The following NLRP13 variants were observed in gnomAD, a reference collection of about 807,000 sequenced individuals.
NLRP13 encodes the protein NACHT, LRR and PYD domains-containing protein 13.
A neutral mutation model predicts 94.4 loss-of-function variants in NLRP13; 82 were observed. The ratio of observed to expected loss-of-function variants is 0.87; its 90% CI spans 0.73 to 1.04. The LOEUF (loss-of-function observed/expected upper bound fraction) is 1.04. Ranked by LOEUF, NLRP13 falls within the 50% of genes least tolerant of loss-of-function variation. NLRP13 has a pLI of 0.00. For missense variants in NLRP13, 1,426 were observed against 1,230.8 expected, an observed-to-expected ratio of 1.16 and a Z score of -2.37; for synonymous variants, 553 against 464.7, an observed-to-expected ratio of 1.19 and a Z score of -2.45.
intron 8 of NLRP13, among the ~76,000 whole-genome samples, chr19:55,902,521 G>T (rs1014079093): frequency 6.6e-6 from 1 of 152,122 alleles, no homozygotes; most frequent in Non-Finnish European, 1.5e-5. Context: ...GTCCAAATGG[G>T]CTTGTCTGTC....
At chr19:55,930,896 AT>A (rs1234394610) in intron 1 of NLRP13, among the ~76,000 whole-genome samples, 79 of 111,372 alleles carry the variant, frequency 7.1e-4, no homozygotes, top group Non-Finnish European at 1.2e-3. Flanking sequence ...ATATATATAT[AT>A]AAAATTTTAA....
chr19:55,926,416 G>A (rs142578865), intron 1 of NLRP13, among the ~76,000 whole-genome samples: 1 of 152,298 alleles, frequency 6.6e-6, no homozygotes, highest in East Asian at 1.9e-4. Context: ...GCGAAGAGCG[G>A]GCATATGGAA....
rs186759760 is a variant in NLRP13, at chr19:55,914,066, G to A, written c.524-773C>T. Reference sequence around the variant, plus strand: ...CCAGTTTTCCTGGTCCCTGTGCCCAGACAGCTTCAGCTGGTGAGGGCTTAG... The same window carrying A: ...CCAGTTTTCCTGGTCCCTGTGCCCAAACAGCTTCAGCTGGTGAGGGCTTAG... On this transcript the variant is annotated intron_variant, in intron 4 of 10. Transcript: ENST00000342929. 1.8e-3 allele frequency among the ~76,000 whole-genome samples: 280 copies of A among 152,346 alleles called. 1 individual carries two copies. Among genetic ancestry groups the A allele is most frequent in the African/African-American group, 6.5e-3 (270 of 41,584 alleles).
rs781460928 is a variant in NLRP13 at position 55,902,051 on chromosome 19, T to C, written c.2773A>G (p.Asn925Asp). The change falls in exon 9 of 11, where the codon AAC (asparagine) becomes GAC (aspartate). Residue 925 changes from asparagine (N) to aspartate (D), a missense_variant. By Grantham distance (23) the Asn-to-Asp change is conservative. Coordinates refer to ENST00000342929, the MANE Select transcript of NLRP13 (RefSeq NM_176810.2). ...LCEALGRPDG[N>D]LQSLNLSGCS... ...AAAACTTACTTCAGGCTCTGCAGGTTACCATCTGGGCGACCCAAGGCCTCA... is the reference window on the plus strand; with the variant it reads ...AAAACTTACTTCAGGCTCTGCAGGTCACCATCTGGGCGACCCAAGGCCTCA... 1 of 1,614,108 alleles carries C rather than the reference T, an allele frequency of 6.2e-7. No individual in the cohort carries two copies. The highest frequency in any genetic ancestry group is 2.2e-5 in the East Asian group (1 of 44,870).
chr19:55,924,903 G>T, intron 2 of NLRP13, 64 bp downstream of exon 2: 1 of 1,346,674 alleles, frequency 7.4e-7, no homozygotes, highest in Non-Finnish European at 1.1e-6. Flanking sequence ...CAGCGGATGT[G>T]GACCAGTGAA....
chr19:55,894,043 C>CTTTTTTT (rs36039690), downstream of NLRP13, among the ~76,000 whole-genome samples: 15 of 112,926 alleles, frequency 1.3e-4, no homozygotes, highest in African/African-American at 4.3e-4. Flanking sequence ...CATGCCCCAA[C>CTTTTTTT]TTTTTTTTTT....
intron 1 of NLRP13, among the ~76,000 whole-genome samples, chr19:55,931,348 A>G (rs930500405): frequency 3.9e-5 from 6 of 152,064 alleles, no homozygotes; most frequent in Admixed American, 2.0e-4. Flanking sequence ...ATAAGCTAAC[A>G]TGAAATCTGT....
intron 4 of NLRP13, among the ~76,000 whole-genome samples, chr19:55,917,623 G>C (rs1763137279): frequency 6.6e-6 from 1 of 151,796 alleles, no homozygotes; most frequent in African/African-American, 2.4e-5. Flanking sequence ...AACTGGAGTA[G>C]CTATACTTAT....
At position 55,898,703 on chromosome 19, in the gene NLRP13, C is replaced by T. The variant is rs950104536; in HGVS notation, c.2957+67G>A. 30 of 1,458,478 alleles carry T rather than the reference C, an allele frequency of 2.1e-5. 1 individual carries two copies. The Middle Eastern group carries it at 5.4e-4, about 26-fold the overall frequency. 90.3% of individuals were successfully genotyped at this position (1,458,478 alleles called of 1,614,324 possible). A position where few individuals can be genotyped will look rare whatever the true frequency, so the allele number is the denominator to read the frequency against. Reference sequence around the variant, plus strand: ...TCACTTTCTAACCCCCGATGGGATCCGATCATATCTCCCCACCCGCAAGAG... The same window carrying T: ...TCACTTTCTAACCCCCGATGGGATCTGATCATATCTCCCCACCCGCAAGAG... On this transcript the variant is annotated intron_variant, in intron 10 of 10. Transcript: ENST00000342929.
intron 5 of NLRP13, 91 bp downstream of exon 5, chr19:55,911,615 G>C (rs565439900): frequency 8.0e-7 from 1 of 1,244,464 alleles, no homozygotes; most frequent in Non-Finnish European, 1.1e-6. Flanking sequence ...AATACATAAC[G>C]ACAACACATC....
chr19:55,917,655 C>A (rs1011096840), intron 4 of NLRP13, among the ~76,000 whole-genome samples: 2 of 151,620 alleles, frequency 1.3e-5, no homozygotes, highest in African/African-American at 4.8e-5. Context: ...GACTTTCAAC[C>A]AGCAACAGTT....
In NLRP13 at chr19:55,932,069, T is replaced by C; in HGVS notation, c.243A>G (p.Ala81=). 1 of 1,614,150 alleles carries C rather than the reference T, an allele frequency of 6.2e-7. No homozygotes were observed. Among genetic ancestry groups the C allele is most frequent in the Non-Finnish European group, 8.5e-7 (1 of 1,180,014 alleles). Reference sequence around the variant, plus strand: ...GGAAGATGCCGAGGACCACTTTCCATGCCTGACCTTTTGGGAAGTGTTCAT... The same window carrying C: ...GGAAGATGCCGAGGACCACTTTCCACGCCTGACCTTTTGGGAAGTGTTCAT... The part of the protein sequence containing the change: ...LLDEHFPKGQ[A]WKVVLGIFQT... The change falls in exon 1 of 11, where the codon GCA becomes GCG. Residue 81 remains alanine (A), a synonymous_variant. Coordinates refer to ENST00000342929, the MANE Select transcript of NLRP13 (RefSeq NM_176810.2).
At chr19:55,926,746 A>C (rs1986975012) in intron 1 of NLRP13, among the ~76,000 whole-genome samples, 1 of 152,174 alleles carries the variant, frequency 6.6e-6, no homozygotes, top group Non-Finnish European at 1.5e-5. Context: ...CTTGTCTTAA[A>C]GGTCCCCCCA....
intron 9 of NLRP13, among the ~76,000 whole-genome samples, chr19:55,900,633 G>A (rs1031130026): frequency 4.0e-5 from 6 of 151,720 alleles, no homozygotes; most frequent in African/African-American, 4.8e-5. Flanking sequence ...AAAATTAGCC[G>A]GGCATGGTGG....
intron 8 of NLRP13, among the ~76,000 whole-genome samples, chr19:55,904,303 G>T (rs1012149505): frequency 2.0e-5 from 3 of 152,054 alleles, no homozygotes; most frequent in Admixed American, 1.3e-4. Context: ...TGGTCAGGCT[G>T]GTCTCAAAAT....
downstream of NLRP13, among the ~76,000 whole-genome samples, chr19:55,895,403 C>T (rs866708841): frequency 2.1e-4 from 31 of 150,030 alleles, 2 homozygotes; most frequent in African/African-American, 6.9e-4. Context: ...AAAAAACAGT[C>T]CGGGCATGGT....
At chr19:55,904,323 C>T (rs576038804) in intron 8 of NLRP13, among the ~76,000 whole-genome samples, 5 of 152,040 alleles carry the variant, frequency 3.3e-5, no homozygotes, top group African/African-American at 7.2e-5. Flanking sequence ...TTCCTGACCT[C>T]GTGATCTGCC....
chr19:55,923,475 T>G (rs1986888726), intron 4 of NLRP13, among the ~76,000 whole-genome samples: 2 of 152,188 alleles, frequency 1.3e-5, no homozygotes, highest in African/African-American at 4.8e-5. Context: ...AAACCTGGCC[T>G]TTCATCACCC....
chr19:55,903,491 G>C (rs182388454), intron 8 of NLRP13, among the ~76,000 whole-genome samples: 6 of 152,060 alleles, frequency 3.9e-5, no homozygotes, highest in Non-Finnish European at 8.8e-5. Context: ...GAATCTCTTT[G>C]TGCGTCCACC....
Sources: allele counts gnomAD v4.1 joint callset (sites outside exome capture counted in the v4.1 genomes callset), GRCh38; gene constraint gnomAD v4.1.1; transcripts MANE v1.5; gene names NCBI Gene and HGNC (gene_info 2026-07-23, HGNC 2026-07-21).